Variants in OXR1 observed in about 807,000 individuals in gnomAD.
OXR1 encodes oxidation resistance 1, also known as oxidation resistance protein 1.
OXR1 carries 41 observed loss-of-function variants against 104.6 expected under a neutral mutation model. The ratio of observed to expected loss-of-function variants is 0.39; its 90% confidence interval spans 0.31 to 0.51. The LOEUF (loss-of-function observed/expected upper bound fraction) is 0.51, where lower values mean the gene tolerates loss of function less well. OXR1 is among the 20% of genes least tolerant of loss of function. The pLI is 0.77. For synonymous variants in OXR1, 348 were observed against 348.4 expected (o/e 1.00, Z 0.01); for missense variants, 955 against 1,031.9 (o/e 0.93, Z 1.02).
At chr8:106,290,154 A>G (rs7841522) in intron 1 of OXR1, among the ~76,000 whole-genome samples, 6,338 of 152,182 alleles carry the variant, frequency 0.042, 437 homozygotes, top group African/African-American at 0.14. Context: ...ATAAAGCCAC[A>G]CACTTAATCT....
At chr8:106,582,786 T>C (rs1485633304) in intron 3 of OXR1, among the ~76,000 whole-genome samples, 2 of 152,200 alleles carry the variant, frequency 1.3e-5, no homozygotes, top group Non-Finnish European at 2.9e-5. Flanking sequence ...TACTAATTTA[T>C]AAAATAATAA....
chr8:106,708,819 CTA>C (rs1831409556), intron 9 of OXR1, among the ~76,000 whole-genome samples: 1 of 151,954 alleles, frequency 6.6e-6, no homozygotes, highest in Admixed American at 6.6e-5. Context: ...TGTGGTAACT[CTA>C]TGTTTAATTT....
chr8:106,293,535 C>T (rs1306215989), intron 1 of OXR1, among the ~76,000 whole-genome samples: 1 of 152,166 alleles, frequency 6.6e-6, no homozygotes, highest in Non-Finnish European at 1.5e-5. Flanking sequence ...GGAGCAATGC[C>T]TTCTTAAACT....
At chr8:106,346,767 C>T (rs1274891686) in intron 1 of OXR1, among the ~76,000 whole-genome samples, 3 of 152,038 alleles carry the variant, frequency 2.0e-5, no homozygotes, top group Non-Finnish European at 4.4e-5. Flanking sequence ...TGGCTGGGCG[C>T]GGTGGCTCAC....
At chr8:106,607,589 C>T (rs1820496478) in intron 3 of OXR1, among the ~76,000 whole-genome samples, 7 of 152,214 alleles carry the variant, frequency 4.6e-5, no homozygotes, top group Admixed American at 4.6e-4. Context: ...GTCCCTCCTT[C>T]TCATCTCTTC....
intron 11 of OXR1, among the ~76,000 whole-genome samples, chr8:106,724,157 T>C (rs186098590): frequency 6.6e-6 from 1 of 152,254 alleles, no homozygotes; most frequent in Admixed American, 6.5e-5. Context: ...TAGGAAGAGA[T>C]ATAAGGTAAT....
intron 2 of OXR1, chr8:106,447,860 G>A: frequency 6.9e-7 from 1 of 1,444,254 alleles, no homozygotes; most frequent in South Asian, 1.5e-5. Flanking sequence ...TGCCTTAGAT[G>A]TTGGTCTGAT....
chr8:106,625,689 A>G (rs1308833771), intron 3 of OXR1, among the ~76,000 whole-genome samples: 2 of 152,176 alleles, frequency 1.3e-5, no homozygotes, highest in African/African-American at 2.4e-5. Context: ...GAACTAGGGT[A>G]ATGATAGTTT....
chr8:106,422,192 C>G (rs1489791609), intron 2 of OXR1, among the ~76,000 whole-genome samples: 1 of 152,064 alleles, frequency 6.6e-6, no homozygotes, highest in Non-Finnish European at 1.5e-5. Context: ...AAGGAAGTCT[C>G]CTTTCGGAGC....
intron 2 of OXR1, among the ~76,000 whole-genome samples, chr8:106,364,817 C>G (rs2130355621): frequency 6.6e-6 from 1 of 152,224 alleles, no homozygotes; most frequent in East Asian, 1.9e-4. Flanking sequence ...ACAGAAGCAG[C>G]CACTTCATTT....
chr8:106,370,952 G>A (rs1478655627), intron 2 of OXR1, among the ~76,000 whole-genome samples: 9 of 152,032 alleles, frequency 5.9e-5, no homozygotes. Flanking sequence ...CAGTTGTTTG[G>A]AATAGTTTCA....
rs1481501029 is a variant in OXR1, at chr8:106,577,322, TGCCTCA to T, written c.220+58189_220+58194del. On this transcript the variant is annotated intron_variant, in intron 3 of 16. Transcript: ENST00000517566. The stretch of plus-strand genomic sequence containing the variant: ...ACCTCCCAGGTTCAAGTGATTCTCC[TGCCTCA>T]GCCTCCCGAGTAGCTGGGATTACAG... Among the ~76,000 whole-genome samples, 70 of 148,482 alleles carry T rather than the reference TGCCTCA, an allele frequency of 4.7e-4. 1 individual carries two copies. Among genetic ancestry groups the T allele is most frequent in the Non-Finnish European group, 7.5e-5 (5 of 66,988 alleles).
intron 6 of OXR1, among the ~76,000 whole-genome samples, chr8:106,689,103 A>C (rs1829032555): frequency 6.6e-6 from 1 of 152,172 alleles, no homozygotes; most frequent in Non-Finnish European, 1.5e-5. Context: ...GGGTTACAAC[A>C]AAAGAAATTT....
intron 2 of OXR1, among the ~76,000 whole-genome samples, chr8:106,439,546 G>C (rs1276299366): frequency 6.6e-6 from 1 of 151,744 alleles, no homozygotes; most frequent in Non-Finnish European, 1.5e-5. Flanking sequence ...CTTTTTTTCT[G>C]ATATTTTGTT....
At chr8:106,678,535 TA>T (rs1219506783) in intron 3 of OXR1, among the ~76,000 whole-genome samples, 1 of 151,986 alleles carries the variant, frequency 6.6e-6, no homozygotes, top group Non-Finnish European at 1.5e-5. Context: ...ACATGAAGTA[TA>T]GATGAAAAGG....
At position 106,476,099 on chromosome 8, in the gene OXR1, A is replaced by G. The variant is rs545098572; in HGVS notation, c.24-42844A>G. ...GGATTTTCTTGACATTCTCTTTATC[A>G]GTTTTCTCTTGCATAACACTGACAA... On this transcript the variant is annotated intron_variant, in intron 2 of 16. Coordinates refer to ENST00000517566, the MANE Select transcript of OXR1 (RefSeq NM_001198533.2). Among the ~76,000 whole-genome samples, 11 of 151,160 alleles carry G rather than the reference A, an allele frequency of 7.3e-5. No homozygotes were observed. The South Asian group carries it at 2.1e-3, about 28-fold the overall frequency.
At chr8:106,533,612 C>T (rs747391393) in intron 3 of OXR1, among the ~76,000 whole-genome samples, 2 of 151,804 alleles carry the variant, frequency 1.3e-5, no homozygotes, top group Non-Finnish European at 2.9e-5. Context: ...TATTTTGGGA[C>T]TTATAGAAGT....
intron 7 of OXR1, among the ~76,000 whole-genome samples, chr8:106,702,269 A>G (rs1038078855): frequency 6.6e-6 from 1 of 152,134 alleles, no homozygotes; most frequent in Non-Finnish European, 1.5e-5. Context: ...CTGTATCACT[A>G]TTTATATAAA....
At chr8:106,469,283 A>T (rs1821357465) in intron 2 of OXR1, among the ~76,000 whole-genome samples, 1 of 151,720 alleles carries the variant, frequency 6.6e-6, no homozygotes, top group Admixed American at 6.6e-5. Context: ...CACTTTACGT[A>T]ATTTCCCAGT....
Sources: gnomAD v4.1 joint callset for allele counts (sites outside exome capture counted in the v4.1 genomes callset) on GRCh38, gnomAD v4.1.1 for gene constraint, MANE v1.5 for transcripts, NCBI Gene and HGNC (gene_info 2026-07-23, HGNC 2026-07-21) for gene names.